The following CTNNA3 variants were observed in gnomAD, a reference collection of about 807,000 sequenced individuals.
CTNNA3 encodes catenin alpha 3.
Under a neutral mutation model 95.7 loss-of-function variants are expected in CTNNA3, and 76 were observed. The ratio of observed to expected loss-of-function variants is 0.79; its 90% CI spans 0.66 to 0.96. CTNNA3 has a LOEUF of 0.96. CTNNA3 is among the 40% of genes least tolerant of loss of function. CTNNA3 has a pLI of 0.00. For synonymous variants in CTNNA3, 431 were observed against 374.4 expected, an observed-to-expected ratio of 1.15 and a Z score of -1.74; for missense variants, 1,191 against 1,089.8, an observed-to-expected ratio of 1.09 and a Z score of -1.31.
At chr10:66,342,385 C>T (rs1044071090) in intron 12 of CTNNA3, among the ~76,000 whole-genome samples, 2 of 151,962 alleles carry the variant, frequency 1.3e-5, no homozygotes, top group African/African-American at 4.8e-5. Context: ...ATTTAGAAAA[C>T]TGTGTGTATT....
chr10:66,575,779 AACCGGT>A (rs1842986290), intron 10 of CTNNA3, among the ~76,000 whole-genome samples: 1 of 152,108 alleles, frequency 6.6e-6, no homozygotes, highest in Admixed American at 6.6e-5. Context: ...AATACAACAT[AACCGGT>A]ACATGGTTAG....
chr10:66,729,318 C>T (rs530543165), intron 9 of CTNNA3, among the ~76,000 whole-genome samples: 70 of 152,232 alleles, frequency 4.6e-4, no homozygotes, highest in Middle Eastern at 3.4e-3. Context: ...GGCGAGGTTA[C>T]GGAGAAAAAG....
intron 15 of CTNNA3, among the ~76,000 whole-genome samples, chr10:65,989,008 T>A (rs2078484908): frequency 6.6e-6 from 1 of 152,158 alleles, no homozygotes; most frequent in Non-Finnish European, 1.5e-5. Flanking sequence ...TGGTGCAGTC[T>A]CGGCTCACTG....
rs2077009447 is a variant in CTNNA3 at position 65,916,449 on chromosome 10, T to C, written c.*3881A>G. 6.6e-6 allele frequency: 1 copy of C among 152,094 alleles called. No individual in the cohort carries two copies. The highest frequency in any genetic ancestry group is 1.5e-5 in the Non-Finnish European group (1 of 68,010). 9.4% of individuals were successfully genotyped at this position (152,094 alleles called of 1,614,324 possible). On this transcript the variant is annotated 3_prime_UTR_variant, in exon 18 of 18. Coordinates refer to ENST00000433211, the MANE Select transcript of CTNNA3 (RefSeq NM_013266.4). The stretch of plus-strand genomic sequence containing the variant: ...ATTCTGCAATGAGTTCACAAGAGAA[T>C]GGTGGATATCACCAGGAAAAGTCTC...
intron 13 of CTNNA3, among the ~76,000 whole-genome samples, chr10:66,108,106 G>A (rs1015250546): frequency 7.9e-5 from 12 of 152,080 alleles, no homozygotes; most frequent in African/African-American, 2.9e-4. Flanking sequence ...TTCCAGCTGA[G>A]GTAGTAACGT....
chr10:66,188,478 T>A (rs1203998634), intron 13 of CTNNA3, among the ~76,000 whole-genome samples: 1 of 151,904 alleles, frequency 6.6e-6, no homozygotes, highest in Non-Finnish European at 1.5e-5. Flanking sequence ...CAGGTGATAT[T>A]TGTCTTTTTG....
At chr10:66,909,206 A>C (rs548829431) in intron 7 of CTNNA3, among the ~76,000 whole-genome samples, 45 of 152,146 alleles carry the variant, frequency 3.0e-4, no homozygotes, top group African/African-American at 1.0e-3. Context: ...AACACCCCAA[A>C]TCAGGAGTAA....
intron 5 of CTNNA3, among the ~76,000 whole-genome samples, chr10:67,383,905 G>T (rs183015644): frequency 3.1e-3 from 471 of 152,244 alleles, no homozygotes; most frequent in Non-Finnish European, 4.8e-3. Context: ...TCAGACTACT[G>T]AGGAAATTAT....
chr10:65,995,966 C>A (rs952648405), intron 15 of CTNNA3, among the ~76,000 whole-genome samples: 1 of 152,092 alleles, frequency 6.6e-6, no homozygotes, highest in Non-Finnish European at 1.5e-5. Flanking sequence ...GATCGGCAGG[C>A]CAGGGTGAAA....
At chr10:66,618,244 C>T (rs1844599425) in intron 10 of CTNNA3, among the ~76,000 whole-genome samples, 1 of 151,866 alleles carries the variant, frequency 6.6e-6, no homozygotes, top group South Asian at 2.1e-4. Flanking sequence ...AAAGAGCCCG[C>T]ATCGCCAAGT....
At chr10:66,421,256 T>C (rs1457414797) in intron 11 of CTNNA3, among the ~76,000 whole-genome samples, 1 of 152,078 alleles carries the variant, frequency 6.6e-6, no homozygotes, top group African/African-American at 2.4e-5. Context: ...GCTGGGAAGG[T>C]TGACTGGGTT....
intron 12 of CTNNA3, among the ~76,000 whole-genome samples, chr10:66,364,361 A>G (rs1348222679): frequency 6.6e-6 from 1 of 152,020 alleles, no homozygotes; most frequent in African/African-American, 2.4e-5. Flanking sequence ...TCGGCAACAC[A>G]GTGAGATCCC....
intron 2 of CTNNA3, among the ~76,000 whole-genome samples, chr10:67,635,621 C>G (rs879252979): frequency 3.9e-5 from 6 of 152,018 alleles, no homozygotes; most frequent in African/African-American, 1.4e-4. Context: ...ATTCAACATC[C>G]CTTCATGTTA....
chr10:66,355,115 CAA>C (rs1195535576), intron 12 of CTNNA3, among the ~76,000 whole-genome samples: 3 of 152,034 alleles, frequency 2.0e-5, no homozygotes, highest in Admixed American at 2.0e-4. Flanking sequence ...AGAGTCATGA[CAA>C]AGTGAGTTTG....
intron 5 of CTNNA3, among the ~76,000 whole-genome samples, chr10:67,259,269 G>C (rs1866491562): frequency 6.6e-6 from 1 of 152,132 alleles, no homozygotes. Flanking sequence ...CACTCTTTAA[G>C]TGTATCTCTT....
chr10:67,227,132 C>T (rs1864962691), intron 5 of CTNNA3, among the ~76,000 whole-genome samples: 2 of 147,106 alleles, frequency 1.4e-5, no homozygotes, highest in South Asian at 4.3e-4. Flanking sequence ...GCTCTTGTTG[C>T]CCAGGATGGA....
At chr10:67,553,236 C>T (rs180747052) in intron 3 of CTNNA3, among the ~76,000 whole-genome samples, 37 of 152,144 alleles carry the variant, frequency 2.4e-4, no homozygotes, top group African/African-American at 8.7e-4. Flanking sequence ...CACACTAGCT[C>T]CTAAAAATCG....
At chr10:66,180,051 A>T (rs1443914072) in intron 13 of CTNNA3, among the ~76,000 whole-genome samples, 2 of 152,178 alleles carry the variant, frequency 1.3e-5, no homozygotes, top group African/African-American at 4.8e-5. Flanking sequence ...AACCCTAGAG[A>T]TGCTGACCTA....
At chr10:66,633,727 A>T (rs181857912) in intron 9 of CTNNA3, among the ~76,000 whole-genome samples, 3 of 152,260 alleles carry the variant, frequency 2.0e-5, no homozygotes, top group Admixed American at 2.0e-4. Flanking sequence ...GCAAAGTATA[A>T]TGTCCACAGT....
Sources: allele counts gnomAD v4.1 joint callset (sites outside exome capture counted in the v4.1 genomes callset), GRCh38; gene constraint gnomAD v4.1.1; transcripts MANE v1.5; gene names NCBI Gene and HGNC (gene_info 2026-07-23, HGNC 2026-07-21).